Variants in CNTN5 observed in about 807,000 individuals in gnomAD.
CNTN5 encodes contactin-5.
CNTN5 carries 77 observed loss-of-function variants against 129.1 expected under a neutral mutation model. The ratio of observed to expected loss-of-function variants is 0.60; its 90% CI spans 0.50 to 0.72. The LOEUF (loss-of-function observed/expected upper bound fraction) is 0.72. Among genes scored for constraint, CNTN5 ranks in the 30% least tolerant of loss-of-function variants. CNTN5 has a pLI of 0.00. For synonymous variants in CNTN5, 509 were observed against 465.6 expected (o/e 1.09, Z -1.20); for missense variants, 1,478 against 1,328.8 (o/e 1.11, Z -1.75).
intron 1 of CNTN5, among the ~76,000 whole-genome samples, chr11:99,283,905 A>C (rs1225933321): frequency 6.6e-6 from 1 of 152,156 alleles, no homozygotes; most frequent in Non-Finnish European, 1.5e-5. Context: ...GGTTTAAAGA[A>C]GCATGCCTCA....
intron 7 of CNTN5, among the ~76,000 whole-genome samples, chr11:99,952,918 C>T (rs1196375232): frequency 6.6e-6 from 1 of 152,030 alleles, no homozygotes; most frequent in Non-Finnish European, 1.5e-5. Context: ...AAAATAGGCT[C>T]CCTGGGACAG....
chr11:99,465,734 T>C (rs1162313259), intron 2 of CNTN5, among the ~76,000 whole-genome samples: 2 of 152,112 alleles, frequency 1.3e-5, no homozygotes, highest in Admixed American at 6.5e-5. Context: ...AGTTGGCTTA[T>C]GGTGCCGCAG....
intron 2 of CNTN5, among the ~76,000 whole-genome samples, chr11:99,453,884 C>G (rs1944399718): frequency 6.6e-6 from 1 of 152,108 alleles, no homozygotes; most frequent in African/African-American, 2.4e-5. Flanking sequence ...GATGCATCTT[C>G]AAGTAGTATG....
chr11:99,899,876 A>T (rs1165810089), intron 6 of CNTN5, among the ~76,000 whole-genome samples: 1 of 151,778 alleles, frequency 6.6e-6, no homozygotes, highest in Non-Finnish European at 1.5e-5. Context: ...TCTTTTTGTT[A>T]GGAGATTTTT....
chr11:99,385,322 C>T (rs1173361321), intron 2 of CNTN5, among the ~76,000 whole-genome samples: 2 of 152,076 alleles, frequency 1.3e-5, no homozygotes, highest in South Asian at 2.1e-4. Context: ...CCCCGCCCCA[C>T]CCCTCACTGC....
chr11:99,526,079 T>G (rs1449728860), intron 2 of CNTN5, among the ~76,000 whole-genome samples: 1 of 152,232 alleles, frequency 6.6e-6, no homozygotes, highest in Non-Finnish European at 1.5e-5. Flanking sequence ...GTAAAACAGA[T>G]ACTTTCAGCT....
chr11:99,841,989 C>A (rs1011643906), intron 4 of CNTN5, among the ~76,000 whole-genome samples: 1 of 151,608 alleles, frequency 6.6e-6, no homozygotes, highest in Non-Finnish European at 1.5e-5. Context: ...ATTGTTCAAG[C>A]GATTCTCCTG....
intron 6 of CNTN5, among the ~76,000 whole-genome samples, chr11:99,892,055 T>G (rs1316287241): frequency 1.3e-5 from 2 of 152,210 alleles, no homozygotes; most frequent in Middle Eastern, 3.2e-3. Context: ...TAATAGTGGT[T>G]TTGATTTGCA....
At chr11:99,656,075 A>T (rs1241669888) in intron 3 of CNTN5, among the ~76,000 whole-genome samples, 1 of 151,872 alleles carries the variant, frequency 6.6e-6, no homozygotes, top group Non-Finnish European at 1.5e-5. Context: ...CATATGTGTA[A>T]GTGTGTGTGT....
At chr11:99,845,451 C>G (rs1268147388) in intron 6 of CNTN5, among the ~76,000 whole-genome samples, 189 bp downstream of exon 6, 1 of 134,660 alleles carries the variant, frequency 7.4e-6, no homozygotes, top group Non-Finnish European at 1.5e-5. Context: ...CGGCTCACTG[C>G]AAGCTCCGCC....
chr11:99,707,336 T>C (rs1024461146), intron 3 of CNTN5, among the ~76,000 whole-genome samples: 9 of 151,582 alleles, frequency 5.9e-5, no homozygotes, highest in Non-Finnish European at 8.9e-5. Flanking sequence ...TTTTAACATA[T>C]TGTCCTAAAC....
chr11:100,266,784 A>G (rs961167911), intron 17 of CNTN5, among the ~76,000 whole-genome samples: 2 of 152,082 alleles, frequency 1.3e-5, no homozygotes, highest in Non-Finnish European at 2.9e-5. Context: ...TATTTTACAT[A>G]AAGCTTATAA....
chr11:99,665,821 T>G (rs1859403616), intron 3 of CNTN5, among the ~76,000 whole-genome samples: 1 of 152,046 alleles, frequency 6.6e-6, no homozygotes, highest in Non-Finnish European at 1.5e-5. Flanking sequence ...AAACACAATA[T>G]AAAACAAAAT....
chr11:100,003,842 A>G (rs1940030057), intron 9 of CNTN5: 1 of 152,198 alleles, frequency 6.6e-6, no homozygotes, highest in Admixed American at 6.6e-5. Flanking sequence ...TGCTTCACTC[A>G]AGAAGGTCTC....
At chr11:100,066,772 C>T (rs944116286) in intron 10 of CNTN5, among the ~76,000 whole-genome samples, 9 of 150,530 alleles carry the variant, frequency 6.0e-5, no homozygotes, top group East Asian at 3.9e-4. Flanking sequence ...GGCATCTGCT[C>T]ACCCCATGTT....
intron 3 of CNTN5, among the ~76,000 whole-genome samples, chr11:99,784,241 C>A (rs1229048027): frequency 6.6e-6 from 1 of 152,062 alleles, no homozygotes; most frequent in East Asian, 2.0e-4. Context: ...GTTTGCTCCA[C>A]CCATCAACCC....
rs569965751 is a variant in CNTN5, at chr11:100,133,388, C to A, written c.1581-57738C>A. The stretch of plus-strand genomic sequence containing the variant: ...TGGTTTGTTGTCAGATTCAGCCTGG[C>A]ATATTTAATTTTTGTTCTCTTGAAA... On this transcript the variant is annotated intron_variant, in intron 13 of 24. Coordinates refer to ENST00000524871, the MANE Select transcript of CNTN5 (RefSeq NM_014361.4). Among the ~76,000 whole-genome samples the A allele has an allele frequency of 2.6e-5, 4 of 152,214 alleles. No individual in the cohort carries two copies. In the East Asian group the frequency reaches 5.8e-4, roughly 22 times the overall value.
chr11:100,023,715 A>G (rs528241203), intron 9 of CNTN5, among the ~76,000 whole-genome samples: 1 of 152,288 alleles, frequency 6.6e-6, no homozygotes, highest in East Asian at 1.9e-4. Context: ...CACTGTCTCC[A>G]GTTTTACCTC....
chr11:99,639,216 T>C (rs1421125341), intron 3 of CNTN5, among the ~76,000 whole-genome samples: 4 of 152,162 alleles, frequency 2.6e-5, no homozygotes, highest in African/African-American at 9.7e-5. Flanking sequence ...CAGCCACACC[T>C]GGAGTGGCTG....
Sources: gnomAD v4.1 joint callset for allele counts (sites outside exome capture counted in the v4.1 genomes callset) on GRCh38, gnomAD v4.1.1 for gene constraint, MANE v1.5 for transcripts, NCBI Gene and HGNC (gene_info 2026-07-23, HGNC 2026-07-21) for gene names.